Variants in HMGCLL1 observed in about 807,000 individuals in gnomAD.
HMGCLL1 encodes 3-hydroxymethyl-3-methylglutaryl-CoA lyase, cytoplasmic.
A neutral mutation model predicts 39.1 loss-of-function variants in HMGCLL1; 36 were observed. That is an observed-to-expected ratio of 0.92 (90% CI 0.71 to 1.22). The LOEUF (loss-of-function observed/expected upper bound fraction) is 1.22. HMGCLL1 is among the 50% of genes most tolerant of loss of function. HMGCLL1 has a pLI of 0.00. For missense variants in HMGCLL1, 451 were observed against 416.5 expected (o/e 1.08, Z -0.72); for synonymous variants, 149 against 144.0 (o/e 1.03, Z -0.25).
At chr6:55,566,389 T>G in intron 1 of HMGCLL1, 1 of 268,830 alleles carries the variant, frequency 3.7e-6, no homozygotes, top group Non-Finnish European at 7.6e-6. Flanking sequence ...AAACTTGTGT[T>G]AAAGGCGTTT....
At chr6:55,639,318 T>C in the HMGCLL1 span, among the ~76,000 whole-genome samples, 20 of 151,612 alleles carry the variant, frequency 1.3e-4, no homozygotes, top group Non-Finnish European at 1.5e-4. Flanking sequence ...TGAGCACTTA[T>C]TATGTACCAA....
intron 5 of HMGCLL1, among the ~76,000 whole-genome samples, chr6:55,500,114 A>C (rs1432755977): frequency 1.3e-5 from 2 of 152,046 alleles, no homozygotes; most frequent in Non-Finnish European, 2.9e-5. Context: ...TGAATGAAGC[A>C]AGCTGCATAA....
chr6:55,660,617 T>A, the HMGCLL1 span, among the ~76,000 whole-genome samples: 1 of 151,958 alleles, frequency 6.6e-6, no homozygotes, highest in Non-Finnish European at 1.5e-5. Flanking sequence ...CAATCTTTCA[T>A]TGATGGACAT....
chr6:55,520,331 A>G (rs1368633244), intron 3 of HMGCLL1, among the ~76,000 whole-genome samples: 1 of 151,822 alleles, frequency 6.6e-6, no homozygotes, highest in African/African-American at 2.4e-5. Flanking sequence ...CCAGATCATG[A>G]AAACTAAAAA....
chr6:55,624,004 G>A, the HMGCLL1 span, among the ~76,000 whole-genome samples: 1 of 152,198 alleles, frequency 6.6e-6, no homozygotes, highest in South Asian at 2.1e-4. Flanking sequence ...GGACCACAAT[G>A]ACGTTTTGGA....
the HMGCLL1 span, among the ~76,000 whole-genome samples, chr6:55,603,782 A>G: frequency 1.3e-5 from 2 of 152,196 alleles, no homozygotes; most frequent in Non-Finnish European, 2.9e-5. Flanking sequence ...TTATGTTTCT[A>G]TAAAATGTAT....
intron 1 of HMGCLL1, among the ~76,000 whole-genome samples, chr6:55,577,736 C>T (rs1162375151): frequency 1.3e-5 from 2 of 152,038 alleles, no homozygotes; most frequent in Admixed American, 6.6e-5. Flanking sequence ...AAATAACAGA[C>T]TGAATTTAAA....
At chr6:55,508,406 A>G (rs1470419115) in intron 5 of HMGCLL1, among the ~76,000 whole-genome samples, 1 of 151,836 alleles carries the variant, frequency 6.6e-6, no homozygotes, top group Admixed American at 6.6e-5. Context: ...TTTTCTGCTG[A>G]ATTATATTGA....
chr6:55,499,574 T>C (rs773544175), intron 5 of HMGCLL1, among the ~76,000 whole-genome samples: 1 of 152,072 alleles, frequency 6.6e-6, no homozygotes, highest in African/African-American at 2.4e-5. Flanking sequence ...ATTCATACCA[T>C]AGCAACATAT....
the HMGCLL1 span, among the ~76,000 whole-genome samples, chr6:55,674,440 T>C: frequency 6.6e-6 from 1 of 151,740 alleles, no homozygotes; most frequent in East Asian, 1.9e-4. Context: ...TCAATTTAAT[T>C]TAGGTCATTG....
chr6:55,541,907 C>T, intron 2 of HMGCLL1, 71 bp from the exon 3 acceptor site: 7 of 1,015,502 alleles, frequency 6.9e-6, no homozygotes, highest in Non-Finnish European at 1.0e-5. Flanking sequence ...AAAATTACTT[C>T]CTAAGTCAAA....
chr6:55,522,034 T>C (rs1768068106), intron 3 of HMGCLL1, among the ~76,000 whole-genome samples: 1 of 151,822 alleles, frequency 6.6e-6, no homozygotes. Flanking sequence ...AAAGTTTGAG[T>C]GGTCTAGGCA....
At chr6:55,467,372 T>C (rs1181494799) in intron 7 of HMGCLL1, among the ~76,000 whole-genome samples, 2 of 152,096 alleles carry the variant, frequency 1.3e-5, no homozygotes. Context: ...GCTTCTTACG[T>C]ACAAGCATGT....
At chr6:55,438,700 G>A (rs1056792617) in intron 8 of HMGCLL1, among the ~76,000 whole-genome samples, 4 of 151,896 alleles carry the variant, frequency 2.6e-5, no homozygotes, top group African/African-American at 9.7e-5. Context: ...GTAGAATGAG[G>A]AAAAAGGAGG....
chr6:55,565,740 C>G (rs1184264123), intron 1 of HMGCLL1, among the ~76,000 whole-genome samples: 1 of 152,026 alleles, frequency 6.6e-6, no homozygotes, highest in African/African-American at 2.4e-5. Flanking sequence ...CTAGAACATA[C>G]ATTTAGCAGA....
At chr6:55,636,190 A>C in the HMGCLL1 span, among the ~76,000 whole-genome samples, 2 of 152,172 alleles carry the variant, frequency 1.3e-5, no homozygotes, top group African/African-American at 4.8e-5. Context: ...CTCAAAAGGG[A>C]ATATAATTAA....
the HMGCLL1 span, among the ~76,000 whole-genome samples, chr6:55,638,331 C>G: frequency 1.3e-5 from 2 of 151,558 alleles, no homozygotes; most frequent in Non-Finnish European, 2.9e-5. Flanking sequence ...CCCTTGAACC[C>G]TGGAGGCATA....
chr6:55,511,727 C>A lies in HMGCLL1; in HGVS notation c.542+2321G>T, dbSNP rs116333734. On this transcript the variant is annotated intron_variant, in intron 5 of 8. Transcript: ENST00000274901. ...ACTTACAATGGTGAATACCTAAAAT[C>A]AGATTGCCAGTAAAAATAAAATCTT... Among the ~76,000 whole-genome samples the A allele has an allele frequency of 9.4e-3, 1,424 of 152,116 alleles. 21 individuals carry two copies. Among genetic ancestry groups the A allele is most frequent in the African/African-American group, 0.033 (1,350 of 41,522 alleles).
the HMGCLL1 span, among the ~76,000 whole-genome samples, chr6:55,622,433 A>G: frequency 6.6e-6 from 1 of 152,044 alleles, no homozygotes; most frequent in Admixed American, 6.6e-5. Flanking sequence ...TATTATGTTG[A>G]GGTATGTTCC....
Sources: gnomAD v4.1 joint callset for allele counts (sites outside exome capture counted in the v4.1 genomes callset) on GRCh38, gnomAD v4.1.1 for gene constraint, MANE v1.5 for transcripts, NCBI Gene and HGNC (gene_info 2026-07-23, HGNC 2026-07-21) for gene names.